The following UST variants were observed in gnomAD, a reference collection of about 807,000 sequenced individuals.
UST encodes the protein uronyl 2-sulfotransferase.
In UST, 21 loss-of-function variants were observed where a neutral mutation model predicts 45.6. That is an observed-to-expected ratio of 0.46 (90% CI 0.33 to 0.66). The LOEUF is 0.66. UST is among the 30% of genes least tolerant of loss of function. The pLI, the probability that UST is intolerant of heterozygous loss-of-function variation, is 0.02. For missense variants in UST, 463 were observed against 512.4 expected (o/e 0.90, Z 0.93); for synonymous variants, 215 against 200.6 (o/e 1.07, Z -0.61).
At chr6:148,977,551 C>A (rs555309396) in intron 5 of UST, among the ~76,000 whole-genome samples, 25 of 151,802 alleles carry the variant, frequency 1.6e-4, no homozygotes, top group Non-Finnish European at 2.9e-4. Context: ...GGAGATCGAG[C>A]CCATCCTGGC....
intron 2 of UST, among the ~76,000 whole-genome samples, chr6:148,930,929 T>C (rs770463391): frequency 9.2e-5 from 14 of 152,216 alleles, no homozygotes; most frequent in Non-Finnish European, 1.6e-4. Context: ...AAATGGAAAA[T>C]AATGATGTGA....
rs534152817 is a variant in UST, at chr6:149,048,793, G to A, written c.938-25040G>A. Reference sequence around the variant, plus strand: ...CAACCACATTCATAATCTAAGAAGTGCATATTAAAATGAGACCATATTTTC... The same window carrying A: ...CAACCACATTCATAATCTAAGAAGTACATATTAAAATGAGACCATATTTTC... On this transcript the variant is annotated intron_variant, in intron 7 of 7. Transcript: ENST00000367463. Among the ~76,000 whole-genome samples, 123 of 152,256 alleles carry A rather than the reference G, an allele frequency of 8.1e-4. 1 individual carries two copies. The highest frequency in any genetic ancestry group is 2.9e-3 in the African/African-American group (119 of 41,562).
At chr6:148,772,451 C>T (rs1186768384) in intron 1 of UST, among the ~76,000 whole-genome samples, 1 of 149,462 alleles carries the variant, frequency 6.7e-6, no homozygotes, top group Admixed American at 6.7e-5. Context: ...GAGTTGGAGT[C>T]TTGCTGTGTC....
intron 1 of UST, among the ~76,000 whole-genome samples, chr6:148,818,609 C>T (rs1388989065): frequency 6.6e-6 from 1 of 152,132 alleles, no homozygotes; most frequent in Non-Finnish European, 1.5e-5. Context: ...GCTTTTAACC[C>T]TGGGGCAAAT....
chr6:148,895,106 G>A (rs1329327938), intron 2 of UST, among the ~76,000 whole-genome samples: 1 of 152,100 alleles, frequency 6.6e-6, no homozygotes, highest in Non-Finnish European at 1.5e-5. Context: ...ATGAGCCACT[G>A]CGCCTGGCAT....
At chr6:149,043,923 A>C (rs896286196) in intron 7 of UST, among the ~76,000 whole-genome samples, 2 of 152,256 alleles carry the variant, frequency 1.3e-5, no homozygotes, top group African/African-American at 2.4e-5. Context: ...CCATCACAAA[A>C]GACCACACAA....
At chr6:148,878,689 G>C (rs1357673583) in intron 1 of UST, among the ~76,000 whole-genome samples, 1 of 147,532 alleles carries the variant, frequency 6.8e-6, no homozygotes, top group Non-Finnish European at 1.5e-5. Flanking sequence ...TGAGTGCGGG[G>C]GTCGTGTGTG....
intron 1 of UST, among the ~76,000 whole-genome samples, chr6:148,753,041 T>A (rs992835330): frequency 1.3e-5 from 2 of 152,320 alleles, no homozygotes; most frequent in South Asian, 2.1e-4. Context: ...TTCACAAAAA[T>A]TCTTATTTGC....
intron 1 of UST, among the ~76,000 whole-genome samples, chr6:148,818,027 A>G (rs1290616899): frequency 6.6e-6 from 1 of 152,206 alleles, no homozygotes; most frequent in Non-Finnish European, 1.5e-5. Flanking sequence ...AAGTTTGCCA[A>G]CCACCTGCTA....
chr6:148,978,387 G>A (rs369089256), intron 5 of UST, among the ~76,000 whole-genome samples: 3 of 152,098 alleles, frequency 2.0e-5, no homozygotes, highest in African/African-American at 7.2e-5. Flanking sequence ...GTTTATTGCA[G>A]CATTGTTTAT....
intron 2 of UST, among the ~76,000 whole-genome samples, chr6:148,893,224 G>C (rs1017877478): frequency 1.3e-5 from 2 of 152,120 alleles, no homozygotes; most frequent in Non-Finnish European, 2.9e-5. Flanking sequence ...TTGTAAAATG[G>C]GTTCATTAGA....
At chr6:149,012,036 G>C (rs891818279) in intron 5 of UST, among the ~76,000 whole-genome samples, 1 of 152,166 alleles carries the variant, frequency 6.6e-6, no homozygotes, top group Non-Finnish European at 1.5e-5. Flanking sequence ...AAGCCACTAC[G>C]GTAGATGCCA....
intron 1 of UST, among the ~76,000 whole-genome samples, chr6:148,776,537 A>G (rs939244388): frequency 6.6e-6 from 1 of 152,214 alleles, no homozygotes; most frequent in African/African-American, 2.4e-5. Context: ...GAGATACAGC[A>G]GCTGGAGTTG....
chr6:148,763,897 A>C (rs1402297243), intron 1 of UST, among the ~76,000 whole-genome samples: 1 of 152,142 alleles, frequency 6.6e-6, no homozygotes. Flanking sequence ...TGGTTACTAT[A>C]GTCTTGTAGT....
intron 5 of UST, among the ~76,000 whole-genome samples, chr6:149,004,601 C>A (rs1337414344): frequency 6.6e-6 from 1 of 152,170 alleles, no homozygotes; most frequent in African/African-American, 2.4e-5. Flanking sequence ...AAGCAAGACT[C>A]TATTCCACTG....
At chr6:148,879,282 C>T (rs1197529632) in intron 1 of UST, among the ~76,000 whole-genome samples, 2 of 152,200 alleles carry the variant, frequency 1.3e-5, no homozygotes, top group Non-Finnish European at 2.9e-5. Context: ...GCTCCATCAG[C>T]ATTCTCTTTT....
At chr6:148,875,578 G>A (rs769612410) in intron 1 of UST, among the ~76,000 whole-genome samples, 5 of 152,198 alleles carry the variant, frequency 3.3e-5, no homozygotes, top group African/African-American at 7.2e-5. Context: ...TGAAGTGGGC[G>A]GATCACCTGA....
intron 7 of UST, among the ~76,000 whole-genome samples, chr6:149,045,952 C>T (rs902079392): frequency 1.3e-5 from 2 of 152,122 alleles, no homozygotes; most frequent in African/African-American, 4.8e-5. Context: ...GATATTTTCC[C>T]AGCTCACCAT....
intron 1 of UST, among the ~76,000 whole-genome samples, chr6:148,791,303 G>A (rs1452525805): frequency 6.6e-6 from 1 of 152,178 alleles, no homozygotes; most frequent in Non-Finnish European, 1.5e-5. Flanking sequence ...GTATGGATGA[G>A]CATTGGTCAC....
Sources: gnomAD v4.1 joint callset for allele counts (sites outside exome capture counted in the v4.1 genomes callset) on GRCh38, gnomAD v4.1.1 for gene constraint, MANE v1.5 for transcripts, NCBI Gene and HGNC (gene_info 2026-07-23, HGNC 2026-07-21) for gene names.